Variants in PPFIA2 observed in about 807,000 individuals in gnomAD.
PPFIA2 encodes PPFI scaffold protein A2.
A neutral mutation model predicts 175.5 loss-of-function variants in PPFIA2; 46 were observed. The ratio of observed to expected loss-of-function variants is 0.26; its 90% CI spans 0.21 to 0.34. The LOEUF (loss-of-function observed/expected upper bound fraction) is 0.34. Among genes scored for constraint, PPFIA2 ranks in the 10% least tolerant of loss-of-function variants. The probability of loss-of-function intolerance (pLI) is 1.00; values close to 1 mark genes in which losing one functional copy is unlikely to be tolerated. For synonymous variants in PPFIA2, 568 were observed against 511.4 expected (o/e 1.11, Z -1.49); for missense variants, 1,179 against 1,506.1 (o/e 0.78, Z 3.60).
chr12:81,441,571 C>T (rs2050182397), intron 6 of PPFIA2, among the ~76,000 whole-genome samples: 1 of 151,942 alleles, frequency 6.6e-6, no homozygotes, highest in Non-Finnish European at 1.5e-5. Flanking sequence ...TGATTAATAA[C>T]CAAACACTAG....
chr12:81,638,599 C>T (rs897003657), intron 4 of PPFIA2, among the ~76,000 whole-genome samples: 27 of 149,386 alleles, frequency 1.8e-4, no homozygotes, highest in Admixed American at 1.1e-3. Context: ...GGGATATGTA[C>T]ATAAGGATTT....
intron 3 of PPFIA2, among the ~76,000 whole-genome samples, chr12:81,728,435 G>A (rs1203886360): frequency 6.6e-6 from 1 of 151,288 alleles, no homozygotes. Flanking sequence ...AATCATTTAT[G>A]TTTCCAGGTT....
chr12:81,347,449 C>T, intron 18 of PPFIA2, 84 bp downstream of exon 18: 1 of 1,157,920 alleles, frequency 8.6e-7, no homozygotes, highest in Non-Finnish European at 1.3e-6. Context: ...AGTACTTAGA[C>T]TAGAACAAAC....
intron 4 of PPFIA2, among the ~76,000 whole-genome samples, chr12:81,492,868 G>A (rs1833481336): frequency 1.3e-5 from 2 of 151,972 alleles, no homozygotes; most frequent in South Asian, 4.1e-4. Flanking sequence ...ATCAATGAGA[G>A]GACTATTGAA....
intron 22 of PPFIA2, chr12:81,302,795 C>A: frequency 5.4e-6 from 2 of 372,262 alleles, no homozygotes; most frequent in Non-Finnish European, 5.5e-6. Context: ...ATAATCGGCA[C>A]CATACAAAAT....
At chr12:81,548,699 T>C (rs2067382934) in intron 4 of PPFIA2, among the ~76,000 whole-genome samples, 1 of 152,106 alleles carries the variant, frequency 6.6e-6, no homozygotes, top group Non-Finnish European at 1.5e-5. Flanking sequence ...GCCTCATTTA[T>C]AATATTTAAA....
At chr12:81,589,636 T>C (rs1298341769) in intron 4 of PPFIA2, among the ~76,000 whole-genome samples, 1 of 152,048 alleles carries the variant, frequency 6.6e-6, no homozygotes, top group East Asian at 1.9e-4. Context: ...ATGTAATAAT[T>C]AACAGTTTAG....
intron 4 of PPFIA2, among the ~76,000 whole-genome samples, chr12:81,619,210 T>C (rs1882534): frequency 0.064 from 9,700 of 152,234 alleles, 429 homozygotes; most frequent in East Asian, 0.25. Flanking sequence ...AACATGTGAA[T>C]TGGCAAATGT....
At chr12:81,486,388 G>A (rs1160743968) in intron 4 of PPFIA2, among the ~76,000 whole-genome samples, 3 of 151,718 alleles carry the variant, frequency 2.0e-5, no homozygotes, top group Non-Finnish European at 4.4e-5. Flanking sequence ...CATGAACATT[G>A]CAACATAAAC....
chr12:81,704,799 G>C (rs1012718298), intron 3 of PPFIA2, among the ~76,000 whole-genome samples: 1 of 151,704 alleles, frequency 6.6e-6, no homozygotes, highest in Non-Finnish European at 1.5e-5. Context: ...AACCTATCTT[G>C]TGGGCTGGGC....
At position 81,353,257 on chromosome 12, in the gene PPFIA2, T is replaced by C. The variant is rs2060326836; in HGVS notation, c.1856A>G (p.Glu619Gly). Residue 619 changes from glutamate to glycine, a missense_variant, in exon 17 of 33, where the codon GAA (glutamate) becomes GGA (glycine). Glu to Gly is a moderately conservative substitution (Grantham distance 98, BLOSUM62 -2). Around this residue, in one of 10 missense-constraint regions of PPFIA2, gnomAD observed 186 missense variants for 163.6 expected, o/e 1.14. Transcript: ENST00000549396. ...LSSHPFESDT[E>G]MSDIDDDDRE... ...GTCATCATCATCAATATCAGACATT[T>C]CAGTGTCACTTTCAAAAGGGTGGCT... 1 of 1,613,786 alleles carries C rather than the reference T, an allele frequency of 6.2e-7. No individual in the cohort carries two copies. The highest frequency in any genetic ancestry group is 1.3e-5 in the African/African-American group (1 of 75,034).
At chr12:81,537,842 C>T (rs920861709) in intron 4 of PPFIA2, among the ~76,000 whole-genome samples, 2 of 151,772 alleles carry the variant, frequency 1.3e-5, no homozygotes, top group Non-Finnish European at 2.9e-5. Context: ...AACTGGCTGG[C>T]TAAAAGGAAT....
At chr12:81,431,564 A>C (rs1312434286) in intron 7 of PPFIA2, among the ~76,000 whole-genome samples, 3 of 152,178 alleles carry the variant, frequency 2.0e-5, no homozygotes, top group Non-Finnish European at 4.4e-5. Context: ...TTTGATTTTT[A>C]AAATTTATAT....
chr12:81,644,305 T>C (rs2065761815), intron 4 of PPFIA2, among the ~76,000 whole-genome samples: 1 of 152,022 alleles, frequency 6.6e-6, no homozygotes, highest in East Asian at 1.9e-4. Flanking sequence ...TACATGAATA[T>C]AGCTATCACA....
intron 22 of PPFIA2, among the ~76,000 whole-genome samples, chr12:81,308,889 T>C (rs1408106211): frequency 6.6e-6 from 1 of 152,172 alleles, no homozygotes; most frequent in African/African-American, 2.4e-5. Flanking sequence ...GTAATAACCA[T>C]ACAAAATAAT....
At chr12:81,399,615 T>C (rs1457457370) in intron 8 of PPFIA2, among the ~76,000 whole-genome samples, 1 of 152,142 alleles carries the variant, frequency 6.6e-6, no homozygotes, top group African/African-American at 2.4e-5. Context: ...TGGAAGATCC[T>C]AACCTTACTC....
intron 5 of PPFIA2, 59 bp downstream of exon 5, chr12:81,457,706 A>G: frequency 1.0e-6 from 1 of 986,258 alleles, no homozygotes; most frequent in Non-Finnish European, 1.5e-6. Flanking sequence ...TATGTGTGTT[A>G]CATGTAATGC....
chr12:81,658,167 C>T (rs2068086657), intron 4 of PPFIA2, among the ~76,000 whole-genome samples: 1 of 151,282 alleles, frequency 6.6e-6, no homozygotes, highest in African/African-American at 2.4e-5. Context: ...ACTTGGGAGG[C>T]TGAGGCAGGA....
At chr12:81,602,568 C>T (rs969237075) in intron 4 of PPFIA2, among the ~76,000 whole-genome samples, 4 of 151,750 alleles carry the variant, frequency 2.6e-5, no homozygotes, top group South Asian at 2.1e-4. Context: ...AATCAACCTC[C>T]GATTTTGTTG....
Sources: allele counts gnomAD v4.1 joint callset (sites outside exome capture counted in the v4.1 genomes callset), GRCh38; gene constraint gnomAD v4.1.1; regional missense constraint gnomAD v4.1.1; transcripts MANE v1.5; gene names NCBI Gene and HGNC (gene_info 2026-07-23, HGNC 2026-07-21).